Variants in TTC5 observed in about 807,000 individuals in gnomAD.
TTC5 encodes the protein tetratricopeptide repeat protein 5.
A neutral mutation model predicts 57.4 loss-of-function variants in TTC5; 46 were observed. The ratio of observed to expected loss-of-function variants is 0.80; its 90% CI spans 0.63 to 1.03. TTC5 has a LOEUF of 1.03. Ranked by LOEUF, TTC5 falls within the 50% of genes least tolerant of loss-of-function variation. The pLI, the probability that TTC5 is intolerant of heterozygous loss-of-function variation, is 0.00. For missense variants in TTC5, 504 were observed against 528.1 expected, an observed-to-expected ratio of 0.95 and a Z score of 0.45; for synonymous variants, 190 against 203.5, an observed-to-expected ratio of 0.93 and a Z score of 0.57.
intron 8 of TTC5, chr14:20,292,427 A>C (rs66520955): frequency 0.035 from 6,016 of 172,012 alleles, 155 homozygotes; most frequent in Non-Finnish European, 0.054. Context: ...AACTTAGGAC[A>C]AAGCACACTG....
In TTC5 at chr14:20,300,750, T is replaced by G. The variant is rs1286791427; in HGVS notation, c.253A>C (p.Ser85Arg). ...GKALNVTPDYSPKAEELLSKA... is the reference protein window; with the variant it reads ...GKALNVTPDYRPKAEELLSKA... ...GACAGAAGCTCCTCAGCCTTAGGGC[T>G]ATAGTCAGGAGTCACATTTAGTGCT... Residue 85 changes from serine (S) to arginine (R), a missense_variant, in exon 3 of 10, where the codon AGC (serine) becomes CGC (arginine). Ser to Arg is a moderately radical substitution (Grantham distance 110, BLOSUM62 -1). Coordinates refer to ENST00000258821, the MANE Select transcript of TTC5 (RefSeq NM_138376.3). The G allele has an allele frequency of 6.2e-7, 1 of 1,614,038 alleles. No individual in the cohort carries two copies. Among genetic ancestry groups the G allele is most frequent in the Non-Finnish European group, 8.5e-7 (1 of 1,180,042 alleles).
intron 1 of TTC5, among the ~76,000 whole-genome samples, chr14:20,304,277 A>G (rs1052860442): frequency 6.6e-6 from 1 of 152,238 alleles, no homozygotes; most frequent in African/African-American, 2.4e-5. Flanking sequence ...TACTTAATTT[A>G]AAATCCTATC....
chr14:20,302,487 C>T (rs970231349), intron 1 of TTC5, among the ~76,000 whole-genome samples: 4 of 152,188 alleles, frequency 2.6e-5, no homozygotes, highest in Admixed American at 1.3e-4. Flanking sequence ...TTGTTTTCCA[C>T]CACAAACATA....
At chr14:20,299,749 C>T (rs754893569) in intron 3 of TTC5, among the ~76,000 whole-genome samples, 7 of 152,114 alleles carry the variant, frequency 4.6e-5, no homozygotes, top group Non-Finnish European at 7.4e-5. Flanking sequence ...GACTGAGTTT[C>T]ACCATGTTGG....
intron 1 of TTC5, among the ~76,000 whole-genome samples, chr14:20,304,817 G>A (rs1202601779): frequency 6.6e-6 from 1 of 152,054 alleles, no homozygotes; most frequent in Non-Finnish European, 1.5e-5. Flanking sequence ...TTATTGTTTG[G>A]TTTTGTTTTC....
intron 1 of TTC5, among the ~76,000 whole-genome samples, chr14:20,302,806 C>T (rs1311949752): frequency 4.6e-5 from 7 of 152,238 alleles, no homozygotes; most frequent in South Asian, 4.1e-4. Context: ...GCGGTCAAAA[C>T]GTTGTTTCAG....
intron 1 of TTC5, among the ~76,000 whole-genome samples, chr14:20,305,102 C>T (rs943534593): frequency 3.9e-5 from 6 of 152,174 alleles, no homozygotes; most frequent in Non-Finnish European, 8.8e-5. Context: ...TAATCCAAAT[C>T]AGCTGGAACA....
Position 20,300,376 on chromosome 14 carries a change from T to C in TTC5, c.396+231A>G, listed in dbSNP as rs1313650254. 5.4e-5 allele frequency: 27 copies of C among 502,900 alleles called. No homozygotes were observed. The East Asian group carries it at 8.9e-4, about 17-fold the overall frequency. The allele number at this position is 502,900 out of a possible 1,614,324, so 31.2% of individuals were successfully genotyped here. On this transcript the variant is annotated intron_variant, in intron 3 of 9. Transcript: ENST00000258821. ...ACAGGGATCAGCTTAGCTGCTAGCT[T>C]TTCTTCACTTCCTTTCTCCCCCTGA...
Position 20,295,874 on chromosome 14 carries a change from C to A in TTC5, c.697-20G>T. ...ATGCAACTGTACAAGAAGTGTATCC[C>A]AATTATAAGTATATCCAGACAAACT... On this transcript the variant is annotated intron_variant, in intron 6 of 9. Coordinates refer to ENST00000258821, the MANE Select transcript of TTC5 (RefSeq NM_138376.3). 6.4e-7 allele frequency: 1 copy of A among 1,553,070 alleles called. No individual in the cohort carries two copies. The highest frequency in any genetic ancestry group is 1.2e-5 in the South Asian group (1 of 82,218).
At chr14:20,302,798 G>A (rs1452813155) in intron 1 of TTC5, among the ~76,000 whole-genome samples, 6 of 151,962 alleles carry the variant, frequency 3.9e-5, no homozygotes, top group Admixed American at 1.3e-4. Flanking sequence ...GTCAAAATGC[G>A]GTCAAAACGT....
In TTC5 at chr14:20,300,617, G is replaced by C. The variant is rs1405562847; in HGVS notation, c.386C>G (p.Ala129Gly). 1 of 1,611,500 alleles carries C rather than the reference G, an allele frequency of 6.2e-7. No homozygotes were observed. Among genetic ancestry groups the C allele is most frequent in the East Asian group, 2.2e-5 (1 of 44,878 alleles). Residue 129 changes from alanine (A) to glycine (G), a missense_variant, in exon 3 of 10, where the codon GCC (alanine) becomes GGC (glycine). By Grantham distance (60) the Ala-to-Gly change is moderately conservative. Transcript: ENST00000258821. ...VAAAHTCFSG[A>G]LTHCRNKVSL... ...TAGGGGGCAGCTCACATGGGTGAGG[G>C]CTCCTGAGAAGCAGGTGTGGGCAGC... is the stretch of plus-strand genomic sequence containing the variant.
chr14:20,300,394 C>T, intron 3 of TTC5: 1 of 525,036 alleles, frequency 1.9e-6, no homozygotes, highest in South Asian at 3.0e-5. Flanking sequence ...CTTCCTTTCT[C>T]CCCCTGAACC....
chr14:20,301,248 AC>A (rs1882184443), intron 2 of TTC5, among the ~76,000 whole-genome samples: 1 of 152,174 alleles, frequency 6.6e-6, no homozygotes, highest in South Asian at 2.1e-4. Flanking sequence ...AGAAGAAAAG[AC>A]CCTCCAGGTT....
At chr14:20,295,024 G>C (rs1262241605) in intron 8 of TTC5, 1 of 342,220 alleles carries the variant, frequency 2.9e-6, no homozygotes, top group Non-Finnish European at 5.5e-6. Context: ...TGAGGTTTCT[G>C]TCTTATAAAA....
rs34171091 is a variant in TTC5, at chr14:20,286,746, TAAAAA to T, written c.*2876_*2880del. On this transcript the variant is annotated 3_prime_UTR_variant, in exon 10 of 10. Coordinates refer to ENST00000258821, the MANE Select transcript of TTC5 (RefSeq NM_138376.3). ...CTGTTCAGCAAAAGACCCAATAGAA[TAAAAA>T]AAAAAACAGGATAAAACTGTATGTA... is the stretch of plus-strand genomic sequence containing the variant. The T allele has an allele frequency of 6.8e-6, 1 of 146,454 alleles. No individual in the cohort carries two copies. 9.1% of individuals were successfully genotyped at this position (146,454 alleles called of 1,614,324 possible). A position where few individuals can be genotyped will look rare whatever the true frequency, so the allele number is the denominator to read the frequency against.
chr14:20,296,137 T>C (rs1882057505), intron 6 of TTC5, among the ~76,000 whole-genome samples: 1 of 152,224 alleles, frequency 6.6e-6, no homozygotes. Context: ...TTACTTAACA[T>C]TTCAGAAGTC....
intron 8 of TTC5, chr14:20,292,738 T>C (rs1016759175): frequency 1.3e-5 from 2 of 152,220 alleles, no homozygotes; most frequent in African/African-American, 4.8e-5. Flanking sequence ...CTGAATTCAA[T>C]GAAGCCACAG....
At chr14:20,301,250 C>A (rs1410564324) in intron 2 of TTC5, among the ~76,000 whole-genome samples, 2 of 152,078 alleles carry the variant, frequency 1.3e-5, no homozygotes, top group African/African-American at 4.8e-5. Flanking sequence ...AAGAAAAGAC[C>A]CTCCAGGTTA....
intron 2 of TTC5, among the ~76,000 whole-genome samples, chr14:20,301,447 C>G (rs896135970): frequency 3.4e-4 from 51 of 151,932 alleles, no homozygotes; most frequent in African/African-American, 1.2e-3. Flanking sequence ...TTCAGCTAGT[C>G]AATAGCAGGA....
Sources: allele counts gnomAD v4.1 joint callset (sites outside exome capture counted in the v4.1 genomes callset), GRCh38; gene constraint gnomAD v4.1.1; transcripts MANE v1.5; gene names NCBI Gene and HGNC (gene_info 2026-07-23, HGNC 2026-07-21).